Variants in RNF128 observed in about 807,000 individuals in gnomAD.
RNF128 encodes the protein ring finger protein 128.
In RNF128, 13 loss-of-function variants were observed where a neutral mutation model predicts 26.2. The observed-to-expected ratio is 0.50, with a 90% CI of 0.32 to 0.79. The LOEUF (loss-of-function observed/expected upper bound fraction) is 0.79, where lower values mean the gene tolerates loss of function less well. Ranked by LOEUF, RNF128 falls within the 30% of genes least tolerant of loss-of-function variation. RNF128 has a pLI of 0.03. For synonymous variants in RNF128, 149 were observed against 142.5 expected (o/e 1.05, Z -0.32); for missense variants, 315 against 349.7 (o/e 0.90, Z 0.79).
At chrX:106,721,909 A>G (rs1345662781), upstream of RNF128, among the ~76,000 whole-genome samples, 1 of 111,980 alleles carries the variant, frequency 8.9e-6, no homozygotes, top group African/African-American at 3.2e-5. Context: ...ACTTGTGAGG[A>G]TTAAATGAGA....
chrX:106,755,007 A>G (rs1163789785), intron 1 of RNF128, among the ~76,000 whole-genome samples: 1 of 111,961 alleles, frequency 8.9e-6, no homozygotes, highest in Non-Finnish European at 1.9e-5. Context: ...AAAATAAATA[A>G]AATCAACAAA....
intron 1 of RNF128, among the ~76,000 whole-genome samples, chrX:106,694,879 A>T (rs951497598): frequency 1.9e-4 from 21 of 111,370 alleles, no homozygotes; most frequent in African/African-American, 6.5e-4. Flanking sequence ...TGAGAACTTG[A>T]CTCTACTGTA....
At chrX:106,712,695 G>T (rs374318416) in intron 1 of RNF128, among the ~76,000 whole-genome samples, 2 of 110,721 alleles carry the variant, frequency 1.8e-5, no homozygotes, top group African/African-American at 6.6e-5. Flanking sequence ...TAAAAGTTAA[G>T]TAAAAGGGTT....
chrX:106,762,444 G>A (rs976957057), intron 1 of RNF128, among the ~76,000 whole-genome samples: 12 of 109,887 alleles, frequency 1.1e-4, no homozygotes, highest in African/African-American at 4.0e-4. Flanking sequence ...CTCCCGAGTA[G>A]CTGGGATTAC....
At chrX:106,717,364 T>C (rs1395670326) in intron 1 of RNF128, among the ~76,000 whole-genome samples, 11 of 111,942 alleles carry the variant, frequency 9.8e-5, no homozygotes, top group African/African-American at 1.9e-4. Flanking sequence ...TTTACAATAA[T>C]CTAAAAAAAA....
chrX:106,719,377 C>T (rs1929273831), intron 1 of RNF128, among the ~76,000 whole-genome samples: 1 of 111,316 alleles, frequency 9.0e-6, no homozygotes, highest in Admixed American at 9.5e-5. Flanking sequence ...TGCTCCACCA[C>T]ACTCAGCTAA....
chrX:106,751,474 C>T (rs771836263), intron 1 of RNF128, among the ~76,000 whole-genome samples: 9 of 110,640 alleles, frequency 8.1e-5, no homozygotes, highest in South Asian at 4.0e-4. Context: ...TAAATAAATA[C>T]GAAAGGCAGT....
At chrX:106,764,119 C>T (rs757922904) in intron 1 of RNF128, among the ~76,000 whole-genome samples, 24 of 109,381 alleles carry the variant, frequency 2.2e-4, no homozygotes, top group South Asian at 1.6e-3. Flanking sequence ...CCCGCCACCA[C>T]GCCCGACTAA....
rs950709455 is a variant in RNF128, at chrX:106,796,000, C to G, written c.*287C>G. 4 of 145,777 alleles carry G rather than the reference C, an allele frequency of 2.7e-5. No homozygotes were observed. Among genetic ancestry groups the G allele is most frequent in the African/African-American group, 1.2e-4 (4 of 32,155 alleles). 12.0% of individuals were successfully genotyped at this position (145,777 alleles called of 1,213,427 possible). On this transcript the variant is annotated 3_prime_UTR_variant, in exon 7 of 7. Transcript: ENST00000255499. The stretch of plus-strand genomic sequence containing the variant: ...AAGAAGTCACGTTTTTCATTTATAA[C>G]AATTTTCTTATAAAAACATGTTGCT...
At chrX:106,791,837 G>GT (rs942387738) in intron 6 of RNF128, among the ~76,000 whole-genome samples, 3 of 111,025 alleles carry the variant, frequency 2.7e-5, no homozygotes, top group African/African-American at 9.8e-5. Context: ...AGGGAGTTCT[G>GT]TTTTTCCCTA....
chrX:106,726,957 G>A lies in RNF128; in HGVS notation c.44G>A (p.Cys15Tyr), dbSNP rs771028080. 11 of 1,187,864 alleles carry A rather than the reference G, an allele frequency of 9.3e-6. No individual in the cohort carries two copies. In the Admixed American group the frequency reaches 1.7e-4, roughly 18 times the overall value. ...GCCGGGGTCTCCTGCCGCGGTGGCT[G>A]CGGCTTTTCCAGATTGCTGGCATGG... ...PGAGVSCRGGCGFSRLLAWCF... is the reference protein window; with the variant it reads ...PGAGVSCRGGYGFSRLLAWCF... The change falls in exon 1 of 7, where the codon TGC (cysteine) becomes TAC (tyrosine). Residue 15 changes from cysteine (C) to tyrosine (Y), a missense_variant. Coordinates refer to ENST00000255499, the MANE Select transcript of RNF128 (RefSeq NM_194463.2).
At chrX:106,744,237 C>A (rs1045675538) in intron 1 of RNF128, among the ~76,000 whole-genome samples, 2 of 111,288 alleles carry the variant, frequency 1.8e-5, no homozygotes, top group African/African-American at 3.3e-5. Context: ...TACCCTAGAA[C>A]TTAAAGTATA....
At chrX:106,700,045 C>T (rs868407401) in intron 1 of RNF128, among the ~76,000 whole-genome samples, 94 of 98,342 alleles carry the variant, frequency 9.6e-4, no homozygotes, top group Middle Eastern at 5.5e-3. Flanking sequence ...TTTTTTGATA[C>T]GGGTCTTGCT....
chrX:106,780,731 T>G (rs1259390613), intron 2 of RNF128, among the ~76,000 whole-genome samples: 1 of 112,213 alleles, frequency 8.9e-6, no homozygotes, highest in African/African-American at 3.2e-5. Flanking sequence ...AAGGCTTCTT[T>G]GCCATTACAC....
intron 1 of RNF128, among the ~76,000 whole-genome samples, chrX:106,695,276 A>T: frequency 9.0e-6 from 1 of 111,361 alleles, no homozygotes; most frequent in Non-Finnish European, 1.9e-5. Flanking sequence ...CTGACAGTAA[A>T]TGAATACAAA....
chrX:106,712,088 T>C (rs1300825644), intron 1 of RNF128, among the ~76,000 whole-genome samples: 1 of 112,504 alleles, frequency 8.9e-6, no homozygotes, highest in Non-Finnish European at 1.9e-5. Context: ...GGTGGTTAAA[T>C]CTCAGGCTAA....
At chrX:106,770,601 G>A (rs959668439) in intron 1 of RNF128, among the ~76,000 whole-genome samples, 3 of 111,114 alleles carry the variant, frequency 2.7e-5, no homozygotes, top group Admixed American at 1.9e-4. Flanking sequence ...AGCTCCATCC[G>A]GTCATTTAAG....
Position 106,788,389 on chromosome X carries a change from A to C in RNF128, c.887+389A>C, listed in dbSNP as rs867062754. On this transcript the variant is annotated intron_variant, in intron 4 of 6. Coordinates refer to ENST00000255499, the MANE Select transcript of RNF128 (RefSeq NM_194463.2). ...TAATATATATTATATATTATATATA[A>C]TATATATTATATATAATATATAATA... is the stretch of plus-strand genomic sequence containing the variant. 1.3e-4 allele frequency among the ~76,000 whole-genome samples: 5 copies of C among 39,653 alleles called. No homozygotes were observed. The Admixed American group carries it at 1.4e-3, about 11-fold the overall frequency. The allele number at this position is 39,653 out of a possible 115,157, so 34.4% of individuals were successfully genotyped here. A position where few individuals can be genotyped will look rare whatever the true frequency, so the allele number is the denominator to read the frequency against.
In RNF128 at chrX:106,783,648, C is replaced by T. The variant is rs773062210; in HGVS notation, c.733-1417C>T. Among the ~76,000 whole-genome samples, 3 of 111,320 alleles carry T rather than the reference C, an allele frequency of 2.7e-5. No individual in the cohort carries two copies. In the East Asian group the frequency reaches 8.5e-4, roughly 31 times the overall value. On this transcript the variant is annotated intron_variant, in intron 2 of 6. Coordinates refer to ENST00000255499, the MANE Select transcript of RNF128 (RefSeq NM_194463.2). The stretch of plus-strand genomic sequence containing the variant: ...GCACATGCTACCATTATATTCCACA[C>T]ATGTATTAGTCGGGTTTGTGTTGCT...
Sources: allele counts gnomAD v4.1 joint callset (sites outside exome capture counted in the v4.1 genomes callset), GRCh38; gene constraint gnomAD v4.1.1; transcripts MANE v1.5; gene names NCBI Gene and HGNC (gene_info 2026-07-23, HGNC 2026-07-21).